Variants in GABRA4 observed in about 807,000 individuals in gnomAD.
The protein encoded by GABRA4 is gamma-aminobutyric acid type A receptor subunit alpha4.
A neutral mutation model predicts 49.7 loss-of-function variants in GABRA4; 12 were observed. That is an observed-to-expected ratio of 0.24 (90% CI 0.15 to 0.39). The LOEUF is 0.39. Ranked by LOEUF, GABRA4 falls within the 10% of genes least tolerant of loss-of-function variation. The pLI, the probability that GABRA4 is intolerant of heterozygous loss-of-function variation, is 1.00. For missense variants in GABRA4, 506 were observed against 686.0 expected, an observed-to-expected ratio of 0.74 and a Z score of 2.93; for synonymous variants, 288 against 240.2, an observed-to-expected ratio of 1.20 and a Z score of -1.84.
intron 8 of GABRA4, among the ~76,000 whole-genome samples, chr4:46,949,497 T>C (rs1560468544): frequency 6.6e-6 from 1 of 151,994 alleles, no homozygotes; most frequent in Non-Finnish European, 1.5e-5. Context: ...CTCCAGCAAT[T>C]GCAGGCAAAT....
Position 46,925,550 on chromosome 4 carries a change from C to A in GABRA4, c.*2675G>T, listed in dbSNP as rs958810442. 1.3e-5 allele frequency: 2 copies of A among 151,368 alleles called. No homozygotes were observed. Among genetic ancestry groups the A allele is most frequent in the African/African-American group, 4.8e-5 (2 of 41,290 alleles). 9.4% of individuals were successfully genotyped at this position (151,368 alleles called of 1,614,324 possible). On this transcript the variant is annotated 3_prime_UTR_variant, in exon 9 of 9. Coordinates refer to ENST00000264318, the MANE Select transcript of GABRA4 (RefSeq NM_000809.4). Reference sequence around the variant, plus strand: ...CATAGATAACCAGAACTTTGGGTGCCCCTAATCATTCTTCTGAGATTTTCT... The same window carrying A: ...CATAGATAACCAGAACTTTGGGTGCACCTAATCATTCTTCTGAGATTTTCT...
At chr4:46,936,601 G>C (rs1560463769) in intron 8 of GABRA4, among the ~76,000 whole-genome samples, 1 of 152,142 alleles carries the variant, frequency 6.6e-6, no homozygotes, top group Non-Finnish European at 1.5e-5. Flanking sequence ...AATCCAGAAA[G>C]TGGTCATCAG....
chr4:46,965,061 A>T lies in GABRA4; in HGVS notation c.1043T>A (p.Met348Lys), dbSNP rs757704216. The T allele has an allele frequency of 1.2e-6, 2 of 1,612,108 alleles. No individual in the cohort carries two copies. The highest frequency in any genetic ancestry group is 1.7e-5 in the Admixed American group (1 of 59,768). Residue 348 changes from methionine to lysine, a missense_variant, in exon 8 of 9, where the codon ATG becomes AAG. Transcript: ENST00000264318. ...TGATGTCTTCCTTTTGGCTTTTTCC[A>T]TTTGAATATTGGTGAAATAGTTGAC... ...AAVNYFTNIQMEKAKRKTSKP... is the reference protein window; with the variant it reads ...AAVNYFTNIQKEKAKRKTSKP...
chr4:46,955,412 A>G (rs1722305089), intron 8 of GABRA4, among the ~76,000 whole-genome samples: 1 of 152,064 alleles, frequency 6.6e-6, no homozygotes, highest in Non-Finnish European at 1.5e-5. Flanking sequence ...AATATGCAAA[A>G]TATTGGTTCA....
intron 8 of GABRA4, among the ~76,000 whole-genome samples, chr4:46,955,984 T>A (rs1376204845): frequency 6.6e-6 from 1 of 152,132 alleles, no homozygotes; most frequent in Non-Finnish European, 1.5e-5. Flanking sequence ...GTAGCTGAGA[T>A]CTGTTCTAAT....
chr4:46,942,716 A>G (rs896937214), intron 8 of GABRA4, among the ~76,000 whole-genome samples: 5 of 150,952 alleles, frequency 3.3e-5, no homozygotes, highest in African/African-American at 1.2e-4. Flanking sequence ...TCTTCCCATT[A>G]TTCTATATTC....
chr4:46,921,361 A>G lies in GABRA4; in HGVS notation c.*6864T>C, dbSNP rs2109927338. The stretch of plus-strand genomic sequence containing the variant: ...GATAGAAATACACGACTGAAAAGTA[A>G]AGCCCAAGAGGGAAAAATGAAAATA... On this transcript the variant is annotated 3_prime_UTR_variant, in exon 9 of 9. Transcript: ENST00000264318. 1 of 152,154 alleles carries G rather than the reference A, an allele frequency of 6.6e-6. No homozygotes were observed. Among genetic ancestry groups the G allele is most frequent in the East Asian group, 1.9e-4 (1 of 5,176 alleles). The allele number at this position is 152,154 out of a possible 1,614,324, so 9.4% of individuals were successfully genotyped here.
At chr4:46,959,221 A>G (rs1722472936) in intron 8 of GABRA4, among the ~76,000 whole-genome samples, 1 of 151,856 alleles carries the variant, frequency 6.6e-6, no homozygotes, top group Non-Finnish European at 1.5e-5. Context: ...ATGACAAGTG[A>G]TACTGTAAAA....
Position 46,928,665 on chromosome 4 carries a change from G to A in GABRA4, c.1225C>T (p.His409Tyr). Residue 409 changes from histidine to tyrosine, a missense_variant, in exon 9 of 9, where the codon CAT (histidine) becomes TAT (tyrosine). By Grantham distance (83) the His-to-Tyr change is moderately conservative (BLOSUM62 2). This residue lies in a region of GABRA4 where 243 missense variants were observed against 210.8 expected (regional missense o/e 1.15). Coordinates refer to ENST00000264318, the MANE Select transcript of GABRA4 (RefSeq NM_000809.4). ...ACAACTGTGGAAGATTTGCTTGAAT[G>A]GTTTCCCACCTCAGTTCTGTTGCCA... Reference protein sequence around the residue: ...DVGNRTEVGNHSSKSSTVVQE... With the variant: ...DVGNRTEVGNYSSKSSTVVQE... The A allele has an allele frequency of 6.2e-7, 1 of 1,613,528 alleles. No individual in the cohort carries two copies. The highest frequency in any genetic ancestry group is 8.5e-7 in the Non-Finnish European group (1 of 1,179,664).
In GABRA4 at chr4:46,924,143, TC is replaced by T. The variant is rs1721128871; in HGVS notation, c.*4081del. ...GTAATTAAGTTATGTGGATCTTTTA[TC>T]CACCTCTATCTAGATCAGTGCTATG... On this transcript the variant is annotated 3_prime_UTR_variant, in exon 9 of 9. Coordinates refer to ENST00000264318, the MANE Select transcript of GABRA4 (RefSeq NM_000809.4). 1 of 152,150 alleles carries T rather than the reference TC, an allele frequency of 6.6e-6. No individual in the cohort carries two copies. Among genetic ancestry groups the T allele is most frequent in the African/African-American group, 2.4e-5 (1 of 41,444 alleles). The allele number at this position is 152,150 out of a possible 1,614,324, so 9.4% of individuals were successfully genotyped here.
At chr4:46,956,003 T>C (rs1311291697) in intron 8 of GABRA4, among the ~76,000 whole-genome samples, 1 of 152,136 alleles carries the variant, frequency 6.6e-6, no homozygotes, top group Non-Finnish European at 1.5e-5. Flanking sequence ...ATGCTTAGCA[T>C]ATCATTTCTC....
rs184161870 is a variant in GABRA4 at position 46,933,806 on chromosome 4, C to T, written c.1135-5051G>A. Reference sequence around the variant, plus strand: ...TTTCGAACAAGAAAAAGCACCTAAGCTTCATTTGAATTTTAAAAAATGATT... The same window carrying T: ...TTTCGAACAAGAAAAAGCACCTAAGTTTCATTTGAATTTTAAAAAATGATT... On this transcript the variant is annotated intron_variant, in intron 8 of 8. Transcript: ENST00000264318. Among the ~76,000 whole-genome samples the T allele has an allele frequency of 1.8e-3, 267 of 152,230 alleles. 3 individuals are homozygous for T. The highest frequency in any genetic ancestry group is 6.1e-3 in the African/African-American group (255 of 41,556).
At chr4:46,979,121 G>A (rs771742664) in intron 2 of GABRA4, 23 bp from the exon 3 acceptor site, 7 of 1,494,414 alleles carry the variant, frequency 4.7e-6, no homozygotes, top group Non-Finnish European at 6.5e-6. Flanking sequence ...AAGTAAATAA[G>A]TGTGAAAAAA....
chr4:46,951,795 CGTGTGT>C (rs4032300), intron 8 of GABRA4, among the ~76,000 whole-genome samples: 23 of 149,158 alleles, frequency 1.5e-4, no homozygotes, highest in South Asian at 1.3e-3. Context: ...TATGTGTGTA[CGTGTGT>C]GTGTGTGTGT....
chr4:46,968,342 A>G (rs1454811499), intron 7 of GABRA4, among the ~76,000 whole-genome samples: 1 of 151,346 alleles, frequency 6.6e-6, no homozygotes, highest in Non-Finnish European at 1.5e-5. Flanking sequence ...ATATCTTGGC[A>G]CATGGGCACA....
At chr4:46,930,505 C>A (rs1279514421) in intron 8 of GABRA4, among the ~76,000 whole-genome samples, 1 of 151,762 alleles carries the variant, frequency 6.6e-6, no homozygotes, top group Admixed American at 6.6e-5. Flanking sequence ...TACATACACA[C>A]ATGATACAAT....
At chr4:46,934,020 C>T (rs968437843) in intron 8 of GABRA4, among the ~76,000 whole-genome samples, 2 of 152,080 alleles carry the variant, frequency 1.3e-5, no homozygotes, top group African/African-American at 4.8e-5. Flanking sequence ...GCAAAAAAAA[C>T]TCATCTCAAC....
chr4:46,989,201 G>A (rs191798798), intron 2 of GABRA4, among the ~76,000 whole-genome samples: 4 of 152,334 alleles, frequency 2.6e-5, no homozygotes, highest in African/African-American at 7.2e-5. Flanking sequence ...AACGGAAAAT[G>A]AGTGACGGCA....
intron 8 of GABRA4, among the ~76,000 whole-genome samples, chr4:46,940,098 T>C (rs1721740060): frequency 6.6e-6 from 1 of 152,076 alleles, no homozygotes; most frequent in Non-Finnish European, 1.5e-5. Context: ...GCATCAACGC[T>C]ACTCAAAATC....
Sources: gnomAD v4.1 joint callset for allele counts (sites outside exome capture counted in the v4.1 genomes callset) on GRCh38, gnomAD v4.1.1 for gene constraint, gnomAD v4.1.1 regional missense constraint, MANE v1.5 for transcripts, NCBI Gene and HGNC (gene_info 2026-07-23, HGNC 2026-07-21) for gene names.